EPS15: variants seen among roughly 807,000 people sequenced by gnomAD.
The protein encoded by EPS15 is epidermal growth factor receptor substrate 15.
In EPS15, 72 loss-of-function variants were observed where a neutral mutation model predicts 113.8. That is an observed-to-expected ratio of 0.63 (90% CI 0.52 to 0.77). The LOEUF (loss-of-function observed/expected upper bound fraction) is 0.77. EPS15 is among the 30% of genes least tolerant of loss of function. The pLI, the probability that EPS15 is intolerant of heterozygous loss-of-function variation, is 0.00. For missense variants in EPS15, 1,048 were observed against 1,045.8 expected, an observed-to-expected ratio of 1.00 and a Z score of -0.03; for synonymous variants, 344 against 363.4, an observed-to-expected ratio of 0.95 and a Z score of 0.61.
chr1:51,480,808 G>A (rs796844843), intron 2 of EPS15, among the ~76,000 whole-genome samples: 15 of 152,024 alleles, frequency 9.9e-5, no homozygotes, highest in South Asian at 6.2e-4. Context: ...CACCACACCC[G>A]GCCATATTCC....
chr1:51,454,492 A>G (rs1297412029), intron 8 of EPS15, among the ~76,000 whole-genome samples: 1 of 152,226 alleles, frequency 6.6e-6, no homozygotes, highest in Non-Finnish European at 1.5e-5. Context: ...TGTACCCCCA[A>G]TATAATGTGA....
Position 51,361,310 on chromosome 1 carries a change from A to T in EPS15, c.2405T>A (p.Leu802Gln), listed in dbSNP as rs115367873. The T allele has an allele frequency of 1.8e-4, 284 of 1,613,934 alleles. 1 individual carries two copies. The African/African-American group carries it at 3.4e-3, about 19-fold the overall frequency. The change falls in exon 24 of 25, where the codon CTG (leucine) becomes CAG (glutamine). Residue 802 changes from leucine to glutamine, a missense_variant. Physicochemically the swap from Leu to Gln is moderately radical, Grantham distance 113. Coordinates refer to ENST00000371733, the MANE Select transcript of EPS15 (RefSeq NM_001981.3). ...NKLDSPDPFK[L>Q]NDPFQPFPGN... is the part of the protein sequence containing the mutation. ...TGGGAAAGGCTGAAATGGATCATTC[A>T]GTTTAAAGGGATCAGGAGAATCCAA... is the stretch of plus-strand genomic sequence containing the variant.
intron 20 of EPS15, among the ~76,000 whole-genome samples, chr1:51,396,053 GAATT>G (rs1334888832): frequency 6.6e-6 from 1 of 152,080 alleles, no homozygotes; most frequent in Non-Finnish European, 1.5e-5. Flanking sequence ...CTAGCAGAAA[GAATT>G]AATACTAATG....
intron 21 of EPS15, among the ~76,000 whole-genome samples, chr1:51,377,152 T>C (rs1288123948): frequency 6.6e-6 from 1 of 152,086 alleles, no homozygotes; most frequent in Admixed American, 6.5e-5. Context: ...TAATCTCAGC[T>C]ACTTGGAAGG....
rs139225862 is a variant in EPS15 at position 51,379,836 on chromosome 1, C to T, written c.2120-13807G>A. The stretch of plus-strand genomic sequence containing the variant: ...CAGCACTTTGGGAGGCCAAGGTGGA[C>T]GGATCACTTGAGGTCAGGAGTTCAA... On this transcript the variant is annotated intron_variant, in intron 21 of 24. Transcript: ENST00000371733. 2.6e-3 allele frequency among the ~76,000 whole-genome samples: 397 copies of T among 151,354 alleles called. 2 individuals carry two copies. The highest frequency in any genetic ancestry group is 8.9e-3 in the African/African-American group (368 of 41,246).
intron 14 of EPS15, 99 bp from the exon 15 acceptor site, chr1:51,408,431 T>C: frequency 1.1e-6 from 1 of 881,712 alleles, no homozygotes; most frequent in Non-Finnish European, 1.8e-6. Flanking sequence ...AGTTTACTAT[T>C]TTGGTGTTTT....
intron 21 of EPS15, among the ~76,000 whole-genome samples, chr1:51,375,094 T>G (rs1338219795): frequency 7.6e-6 from 1 of 131,798 alleles, no homozygotes; most frequent in Non-Finnish European, 1.6e-5. Context: ...CTCTGCCTCC[T>G]CGGTTCACGC....
At chr1:51,398,154 C>T (rs1648152793) in intron 20 of EPS15, among the ~76,000 whole-genome samples, 2 of 151,648 alleles carry the variant, frequency 1.3e-5, no homozygotes, top group Non-Finnish European at 2.9e-5. Context: ...CCCGGGTTCA[C>T]GCCATTCTCC....
chr1:51,396,515 T>C (rs1022066704), intron 20 of EPS15, among the ~76,000 whole-genome samples: 1 of 152,222 alleles, frequency 6.6e-6, no homozygotes, highest in South Asian at 2.1e-4. Flanking sequence ...ACCTGTATTA[T>C]TACTTCTTCT....
intron 21 of EPS15, among the ~76,000 whole-genome samples, chr1:51,388,695 T>C (rs1281769014): frequency 4.6e-5 from 7 of 152,034 alleles, no homozygotes; most frequent in Non-Finnish European, 7.4e-5. Flanking sequence ...AACACCTCTA[T>C]GCAAATAAAC....
At chr1:51,508,342 A>AAGAAAGAAAG (rs1432915004) in intron 1 of EPS15, among the ~76,000 whole-genome samples, 3 of 102,830 alleles carry the variant, frequency 2.9e-5, no homozygotes, top group Admixed American at 1.0e-4. Flanking sequence ...GAAAGAGAGA[A>AAGAAAGAAAG]AGAAAGAAAG....
chr1:51,400,853 T>C (rs965362557), intron 19 of EPS15, 65 bp downstream of exon 19: 1 of 1,075,846 alleles, frequency 9.3e-7, no homozygotes, highest in African/African-American at 1.6e-5. Context: ...CAGACCTAAA[T>C]AACATAAGCT....
chr1:51,508,070 T>C (rs1016621105), intron 1 of EPS15, among the ~76,000 whole-genome samples: 1 of 151,672 alleles, frequency 6.6e-6, no homozygotes, highest in African/African-American at 2.4e-5. Flanking sequence ...TAGTCCCAGC[T>C]ACTCAGGAGG....
chr1:51,403,942 C>T (rs775910963), intron 16 of EPS15, among the ~76,000 whole-genome samples: 3 of 152,158 alleles, frequency 2.0e-5, no homozygotes, highest in Non-Finnish European at 2.9e-5. Flanking sequence ...TTATTGTAGC[C>T]AAACTAATAG....
At chr1:51,424,172 A>T (rs1034410546) in intron 12 of EPS15, among the ~76,000 whole-genome samples, 4 of 152,208 alleles carry the variant, frequency 2.6e-5, no homozygotes, top group African/African-American at 7.2e-5. Context: ...AAAAGAATTA[A>T]ATGTTCAATT....
intron 12 of EPS15, among the ~76,000 whole-genome samples, chr1:51,439,747 A>G (rs1227633788): frequency 6.6e-6 from 1 of 151,832 alleles, no homozygotes; most frequent in East Asian, 1.9e-4. Flanking sequence ...ATCAGGTATC[A>G]GCTCTGCAGC....
intron 12 of EPS15, among the ~76,000 whole-genome samples, chr1:51,436,986 A>T (rs931827727): frequency 6.6e-6 from 1 of 152,226 alleles, no homozygotes; most frequent in Non-Finnish European, 1.5e-5. Flanking sequence ...TATTACAACT[A>T]CCTGTATTGC....
chr1:51,442,209 C>T (rs1040975200), intron 11 of EPS15, among the ~76,000 whole-genome samples: 10 of 152,050 alleles, frequency 6.6e-5, no homozygotes, highest in Admixed American at 4.6e-4. Context: ...TAAACTTGAC[C>T]TATGAGCTAG....
rs1180925005 is a variant in EPS15, at chr1:51,403,659, TCTC to T, written c.1678-130_1678-128del. Reference sequence around the variant, plus strand: ...AGCAGAATGTATTCATCAAATAACTTCTCCTTCTATAATCTTTTTTAGGGAAAT... The same window carrying T: ...AGCAGAATGTATTCATCAAATAACTTCTTCTATAATCTTTTTTAGGGAAAT... On this transcript the variant is annotated intron_variant, in intron 16 of 24. Transcript: ENST00000371733. 14 of 520,636 alleles carry T rather than the reference TCTC, an allele frequency of 2.7e-5. No homozygotes were observed. In the Admixed American group the frequency reaches 4.7e-4, roughly 17 times the overall value. The allele number at this position is 520,636 out of a possible 1,614,324, so 32.3% of individuals were successfully genotyped here. A position where few individuals can be genotyped will look rare whatever the true frequency, so the allele number is the denominator to read the frequency against.
Sources: gnomAD v4.1 joint callset for allele counts (sites outside exome capture counted in the v4.1 genomes callset) on GRCh38, gnomAD v4.1.1 for gene constraint, MANE v1.5 for transcripts, NCBI Gene and HGNC (gene_info 2026-07-23, HGNC 2026-07-21) for gene names.